EFNA5: variants seen among roughly 807,000 people sequenced by gnomAD.
EFNA5 encodes the protein ephrin-A5.
EFNA5 carries 5 observed loss-of-function variants against 22.9 expected under a neutral mutation model. That is an observed-to-expected ratio of 0.22 (90% CI 0.11 to 0.46). EFNA5 has a LOEUF of 0.46. EFNA5 is among the 20% of genes least tolerant of loss of function. The probability of loss-of-function intolerance (pLI) is 0.99; values close to 1 mark genes in which losing one functional copy is unlikely to be tolerated. For synonymous variants in EFNA5, 113 were observed against 112.2 expected (o/e 1.01, Z -0.04); for missense variants, 237 against 293.3 (o/e 0.81, Z 1.40).
At chr5:107,442,267 A>T (rs1170304961) in intron 1 of EFNA5, among the ~76,000 whole-genome samples, 1 of 152,180 alleles carries the variant, frequency 6.6e-6, no homozygotes, top group Non-Finnish European at 1.5e-5. Flanking sequence ...TACTAGTAAA[A>T]TAAAGTTTGA....
At chr5:107,435,978 C>T (rs1269222458) in intron 1 of EFNA5, among the ~76,000 whole-genome samples, 1 of 152,098 alleles carries the variant, frequency 6.6e-6, no homozygotes, top group Non-Finnish European at 1.5e-5. Flanking sequence ...ATTATACTAC[C>T]CTGTCACTTT....
chr5:107,553,311 T>C (rs1398914244), intron 1 of EFNA5, among the ~76,000 whole-genome samples: 1 of 152,078 alleles, frequency 6.6e-6, no homozygotes, highest in East Asian at 1.9e-4. Context: ...GTGGAAACGT[T>C]AGGGAAGAGA....
chr5:107,536,813 A>G lies in EFNA5; in HGVS notation c.126-109304T>C, dbSNP rs576974284. Among the ~76,000 whole-genome samples, 224 of 152,336 alleles carry G rather than the reference A, an allele frequency of 1.5e-3. 1 individual carries two copies. Among genetic ancestry groups the G allele is most frequent in the Non-Finnish European group, 7.8e-4 (53 of 68,030 alleles). On this transcript the variant is annotated intron_variant, in intron 1 of 4. Coordinates refer to ENST00000333274, the MANE Select transcript of EFNA5 (RefSeq NM_001962.3). Reference sequence around the variant, plus strand: ...GAAACTTATACTCAATAGGATAAGAAGTAGATTTTTCGGCCGGGTGCAGTG... The same window carrying G: ...GAAACTTATACTCAATAGGATAAGAGGTAGATTTTTCGGCCGGGTGCAGTG...
At chr5:107,578,484 A>AGAG (rs1467491572) in intron 1 of EFNA5, among the ~76,000 whole-genome samples, 1 of 152,324 alleles carries the variant, frequency 6.6e-6, no homozygotes, top group East Asian at 1.9e-4. Flanking sequence ...TCTAATCAGT[A>AGAG]GAGGAAAAAA....
chr5:107,546,609 C>T (rs1400384882), intron 1 of EFNA5, among the ~76,000 whole-genome samples: 1 of 151,678 alleles, frequency 6.6e-6, no homozygotes, highest in African/African-American at 2.4e-5. Context: ...TGAAACACCT[C>T]GTCAATGGCT....
chr5:107,435,215 GTC>G (rs1376550600), intron 1 of EFNA5, among the ~76,000 whole-genome samples: 2 of 151,684 alleles, frequency 1.3e-5, no homozygotes, highest in Admixed American at 6.6e-5. Context: ...CAGGACAGCA[GTC>G]TCTGTTGTAT....
chr5:107,454,852 C>T (rs564773751), intron 1 of EFNA5, among the ~76,000 whole-genome samples: 5 of 152,060 alleles, frequency 3.3e-5, no homozygotes, highest in African/African-American at 1.2e-4. Flanking sequence ...ACTTTCTTTC[C>T]ACTGTGGCTA....
At chr5:107,616,483 C>T (rs1386726871) in intron 1 of EFNA5, among the ~76,000 whole-genome samples, 1 of 152,108 alleles carries the variant, frequency 6.6e-6, no homozygotes, top group African/African-American at 2.4e-5. Context: ...GAATAAACCA[C>T]ATGTGGGTAA....
intron 1 of EFNA5, among the ~76,000 whole-genome samples, chr5:107,478,115 A>T (rs1202486377): frequency 1.3e-5 from 2 of 152,172 alleles, no homozygotes; most frequent in Non-Finnish European, 2.9e-5. Flanking sequence ...CTAATAATCC[A>T]CATGTACCTC....
intron 1 of EFNA5, among the ~76,000 whole-genome samples, chr5:107,618,091 T>G (rs893519524): frequency 6.6e-6 from 1 of 152,218 alleles, no homozygotes; most frequent in African/African-American, 2.4e-5. Context: ...AAAGATTTTC[T>G]GAGCTCCTAC....
intron 1 of EFNA5, among the ~76,000 whole-genome samples, chr5:107,448,855 A>AAATG (rs1749468722): frequency 8.6e-6 from 1 of 116,814 alleles, no homozygotes; most frequent in Non-Finnish European, 1.7e-5. Flanking sequence ...ATAAATAAAT[A>AAATG]AATAAATAAA....
At chr5:107,562,218 C>T (rs164844) in intron 1 of EFNA5, among the ~76,000 whole-genome samples, 36,507 of 151,966 alleles carry the variant, frequency 0.24, 4,826 homozygotes, top group South Asian at 0.34. Flanking sequence ...AAAATTTTGC[C>T]ACAATGTTTA....
chr5:107,482,307 T>C (rs1345203484), intron 1 of EFNA5, among the ~76,000 whole-genome samples: 1 of 77,730 alleles, frequency 1.3e-5, no homozygotes, highest in African/African-American at 5.2e-5. Context: ...TGATCTTGTC[T>C]CAAAAAAAAA....
intron 1 of EFNA5, among the ~76,000 whole-genome samples, chr5:107,610,451 C>A (rs545273755): frequency 6.6e-6 from 1 of 152,130 alleles, no homozygotes; most frequent in Non-Finnish European, 1.5e-5. Flanking sequence ...CTAATACAGC[C>A]AAACACGTTA....
At chr5:107,587,308 AG>A (rs1265938665) in intron 1 of EFNA5, among the ~76,000 whole-genome samples, 1 of 152,230 alleles carries the variant, frequency 6.6e-6, no homozygotes, top group Non-Finnish European at 1.5e-5. Flanking sequence ...TGGCCTCCAA[AG>A]AAACCTGAAA....
At chr5:107,500,228 T>C (rs1747100175) in intron 1 of EFNA5, among the ~76,000 whole-genome samples, 3 of 152,228 alleles carry the variant, frequency 2.0e-5, no homozygotes, top group Non-Finnish European at 4.4e-5. Flanking sequence ...CCTGGAACTA[T>C]TTATAATCTG....
intron 1 of EFNA5, among the ~76,000 whole-genome samples, chr5:107,655,881 C>T (rs1267796692): frequency 6.6e-6 from 1 of 151,980 alleles, no homozygotes; most frequent in South Asian, 2.1e-4. Context: ...CTATTTATAC[C>T]TCTAACATCA....
intron 1 of EFNA5, among the ~76,000 whole-genome samples, chr5:107,471,422 T>C (rs951296751): frequency 2.6e-5 from 4 of 152,176 alleles, no homozygotes; most frequent in Non-Finnish European, 5.9e-5. Context: ...ACTGAGGATA[T>C]TATTACACTT....
At chr5:107,469,451 G>T (rs953952077) in intron 1 of EFNA5, among the ~76,000 whole-genome samples, 13 of 152,010 alleles carry the variant, frequency 8.6e-5, no homozygotes, top group Non-Finnish European at 2.9e-5. Context: ...TCCTGCTGCG[G>T]AGCTAAGCCA....
Sources: gnomAD v4.1 joint callset for allele counts (sites outside exome capture counted in the v4.1 genomes callset) on GRCh38, gnomAD v4.1.1 for gene constraint, MANE v1.5 for transcripts, NCBI Gene and HGNC (gene_info 2026-07-23, HGNC 2026-07-21) for gene names.